PCDHA9: variants seen among roughly 807,000 people sequenced by gnomAD.
PCDHA9 encodes the protein protocadherin alpha 9.
PCDHA9 carries 62 observed loss-of-function variants against 62.0 expected under a neutral mutation model. That is an observed-to-expected ratio of 1.00 (90% CI 0.81 to 1.23). The LOEUF (loss-of-function observed/expected upper bound fraction) is 1.23, where lower values mean the gene tolerates loss of function less well. PCDHA9 is among the 50% of genes most tolerant of loss of function. PCDHA9 has a pLI of 0.00. For missense variants in PCDHA9, 1,205 were observed against 1,249.8 expected, an observed-to-expected ratio of 0.96 and a Z score of 0.54; for synonymous variants, 557 against 567.6, an observed-to-expected ratio of 0.98 and a Z score of 0.27.
intron 1 of PCDHA9, among the ~76,000 whole-genome samples, chr5:140,941,343 G>C (rs2093045496): frequency 8.8e-6 from 1 of 114,104 alleles, no homozygotes. Context: ...TTCAGATGGA[G>C]TCTTGCTCTG....
chr5:140,883,606 C>T (rs782093980), intron 1 of PCDHA9: 1 of 1,613,942 alleles, frequency 6.2e-7, no homozygotes, highest in South Asian at 1.1e-5. Flanking sequence ...TGGGGGTGGC[C>T]GACGTGAACG....
intron 1 of PCDHA9, chr5:140,852,259 C>G: frequency 2.0e-6 from 1 of 509,052 alleles, no homozygotes; most frequent in Non-Finnish European, 2.6e-6. Flanking sequence ...TTGGAATATG[C>G]TACAATATTA....
intron 1 of PCDHA9, among the ~76,000 whole-genome samples, chr5:140,953,290 A>G (rs1554220852): frequency 1.3e-5 from 2 of 152,124 alleles, no homozygotes; most frequent in Admixed American, 6.6e-5. Context: ...TATGTGATTC[A>G]GGGACGGCAG....
At chr5:140,875,467 T>G in intron 1 of PCDHA9, 2 of 1,600,082 alleles carry the variant, frequency 1.2e-6, no homozygotes, top group Non-Finnish European at 1.7e-6. Flanking sequence ...GCCCTCATTT[T>G]CTGCAATGGT....
In PCDHA9 at chr5:140,850,224, G is replaced by A. The variant is rs2150474394; in HGVS notation, c.1729G>A (p.Val577Met). Residue 577 changes from valine (V) to methionine (M), a missense_variant, in exon 1 of 4, where the codon GTG becomes ATG. Physicochemically the swap from Val to Met is conservative, Grantham distance 21. Coordinates refer to ENST00000532602, the MANE Select transcript of PCDHA9 (RefSeq NM_031857.2). Reference protein sequence around the residue: ...TPRMRGTDGAVSEMVLRSVGA... With the variant: ...TPRMRGTDGAMSEMVLRSVGA... ...TCGGATGAGGGGCACTGACGGCGCAGTGAGCGAGATGGTGCTGCGGTCGGT... is the reference window on the plus strand; with the variant it reads ...TCGGATGAGGGGCACTGACGGCGCAATGAGCGAGATGGTGCTGCGGTCGGT... 9.3e-5 allele frequency: 148 copies of A among 1,593,886 alleles called. 13 individuals carry two copies. The highest frequency in any genetic ancestry group is 1.2e-4 in the Non-Finnish European group (142 of 1,167,688).
chr5:140,863,164 G>A, intron 1 of PCDHA9: 2 of 661,250 alleles, frequency 3.0e-6, no homozygotes, highest in Non-Finnish European at 5.5e-6. Flanking sequence ...CTGCGAGCTG[G>A]CGCTGACTGC....
intron 1 of PCDHA9, chr5:140,877,285 G>C: frequency 1.2e-6 from 2 of 1,613,898 alleles, no homozygotes; most frequent in Non-Finnish European, 1.7e-6. Context: ...CGGCTATAAC[G>C]CTTGGCTGTC....
chr5:140,925,371 A>ATATT (rs1554202717), intron 1 of PCDHA9, among the ~76,000 whole-genome samples: 1 of 152,136 alleles, frequency 6.6e-6, no homozygotes, highest in Non-Finnish European at 1.5e-5. Context: ...CATAGTCAAT[A>ATATT]GTCAATGAGT....
intron 3 of PCDHA9, among the ~76,000 whole-genome samples, chr5:141,008,072 T>C (rs1419103459): frequency 2.0e-5 from 3 of 152,272 alleles, no homozygotes; most frequent in Admixed American, 6.5e-5. Context: ...TAAGAACTTA[T>C]TGGGGTTATT....
At chr5:140,930,403 T>A (rs1337428261) in intron 1 of PCDHA9, 6 of 152,200 alleles carry the variant, frequency 3.9e-5, no homozygotes, top group African/African-American at 1.2e-4. Context: ...CTTTTTTTTT[T>A]TTGAGACAGG....
At chr5:140,947,439 G>C (rs2094135272) in intron 1 of PCDHA9, among the ~76,000 whole-genome samples, 1 of 151,638 alleles carries the variant, frequency 6.6e-6, no homozygotes, top group African/African-American at 2.4e-5. Flanking sequence ...AAAATCAGCT[G>C]TGAAATCCTC....
intron 1 of PCDHA9, among the ~76,000 whole-genome samples, chr5:140,903,652 T>C (rs1304934693): frequency 6.6e-6 from 1 of 152,234 alleles, no homozygotes; most frequent in Non-Finnish European, 1.5e-5. Context: ...ATACATATAT[T>C]ATAAATTTAA....
chr5:140,870,524 T>C (rs1554164360), intron 1 of PCDHA9: 35 of 1,614,076 alleles, frequency 2.2e-5, no homozygotes, highest in Non-Finnish European at 2.8e-5. Context: ...TGCCACATCT[T>C]CACAGTGTCG....
chr5:140,851,225 C>G, intron 1 of PCDHA9: 4 of 1,141,878 alleles, frequency 3.5e-6, no homozygotes, highest in Non-Finnish European at 3.3e-6. Context: ...ACATCACTAT[C>G]ATTTATTTAT....
chr5:141,000,361 G>GTCTC (rs148596731), intron 3 of PCDHA9, among the ~76,000 whole-genome samples: 446 of 26,454 alleles, frequency 0.017, 11 homozygotes, highest in Non-Finnish European at 0.022. Flanking sequence ...GTCTCTCTCT[G>GTCTC]TCTCTCTCTC....
At chr5:140,890,752 G>A (rs2062783323) in intron 1 of PCDHA9, among the ~76,000 whole-genome samples, 1 of 151,990 alleles carries the variant, frequency 6.6e-6, no homozygotes, top group East Asian at 1.9e-4. Context: ...TTTCTGTCAT[G>A]CTTTAAAAAT....
chr5:140,932,063 T>C (rs1020375496), intron 1 of PCDHA9, among the ~76,000 whole-genome samples: 8 of 151,942 alleles, frequency 5.3e-5, no homozygotes, highest in African/African-American at 1.4e-4. Context: ...CTAAAAATTA[T>C]CAGTTTAAGA....
chr5:140,989,253 G>C (rs886150768), intron 3 of PCDHA9, among the ~76,000 whole-genome samples: 1 of 152,194 alleles, frequency 6.6e-6, no homozygotes, highest in Non-Finnish European at 1.5e-5. Flanking sequence ...CTTGTCAAAA[G>C]GGAGATTCAA....
chr5:140,864,502 C>A (rs989482807), intron 1 of PCDHA9: 2 of 152,088 alleles, frequency 1.3e-5, no homozygotes, highest in African/African-American at 4.8e-5. Context: ...TTTAGCCTTG[C>A]CTTTAAAGGT....
Sources: allele counts gnomAD v4.1 joint callset (sites outside exome capture counted in the v4.1 genomes callset), GRCh38; gene constraint gnomAD v4.1.1; transcripts MANE v1.5; gene names NCBI Gene and HGNC (gene_info 2026-07-23, HGNC 2026-07-21).